FSHR: variants seen among roughly 807,000 people sequenced by gnomAD.
FSHR encodes the protein follicle stimulating hormone receptor, also known as follicle-stimulating hormone receptor.
FSHR carries 46 observed loss-of-function variants against 52.1 expected under a neutral mutation model. That is an observed-to-expected ratio of 0.88 (90% CI 0.70 to 1.13). The LOEUF is 1.13. FSHR is among the 50% of genes most tolerant of loss of function. The pLI, the probability that FSHR is intolerant of heterozygous loss-of-function variation, is 0.00. For missense variants in FSHR, 964 were observed against 834.6 expected (o/e 1.16, Z -1.91); for synonymous variants, 399 against 309.6 (o/e 1.29, Z -3.03).
intron 8 of FSHR, among the ~76,000 whole-genome samples, chr2:48,969,698 T>A (rs1230643005): frequency 2.0e-5 from 3 of 152,208 alleles, no homozygotes; most frequent in Non-Finnish European, 4.4e-5. Context: ...AGAAAGTTGT[T>A]CTTGTTTGGT....
At chr2:48,993,494 T>C (rs1432849583) in intron 4 of FSHR, among the ~76,000 whole-genome samples, 1 of 152,126 alleles carries the variant, frequency 6.6e-6, no homozygotes, top group Non-Finnish European at 1.5e-5. Context: ...TTTGCCTATC[T>C]CCACTGACAC....
At chr2:48,975,469 C>A (rs1382858398) in intron 8 of FSHR, among the ~76,000 whole-genome samples, 1 of 152,162 alleles carries the variant, frequency 6.6e-6, no homozygotes, top group Non-Finnish European at 1.5e-5. Flanking sequence ...TCCTTGTTGA[C>A]ACAGGCACGT....
At chr2:48,998,654 G>A (rs748744784) in intron 4 of FSHR, among the ~76,000 whole-genome samples, 7 of 151,950 alleles carry the variant, frequency 4.6e-5, no homozygotes, top group African/African-American at 7.2e-5. Flanking sequence ...ATGACTCAGC[G>A]ACTATAGGTA....
chr2:49,090,500 T>G (rs1024658694), intron 1 of FSHR, among the ~76,000 whole-genome samples: 3 of 152,252 alleles, frequency 2.0e-5, no homozygotes, highest in Non-Finnish European at 4.4e-5. Flanking sequence ...TACCACAGTT[T>G]GTTTACCTAT....
Position 48,999,437 on chromosome 2 carries a change from A to C in FSHR, c.375-8800T>G, listed in dbSNP as rs527553524. Reference sequence around the variant, plus strand: ...AAATTTGGGTGCTTATTGTTGTCTTACCTTAAAGACAGATTCTAATTCATT... The same window carrying C: ...AAATTTGGGTGCTTATTGTTGTCTTCCCTTAAAGACAGATTCTAATTCATT... On this transcript the variant is annotated intron_variant, in intron 4 of 9. Coordinates refer to ENST00000406846, the MANE Select transcript of FSHR (RefSeq NM_000145.4). 1.4e-4 allele frequency among the ~76,000 whole-genome samples: 21 copies of C among 152,208 alleles called. No homozygotes were observed. The East Asian group carries it at 3.9e-3, about 28-fold the overall frequency.
intron 2 of FSHR, among the ~76,000 whole-genome samples, chr2:49,038,256 A>T (rs1668342683): frequency 6.6e-6 from 1 of 152,162 alleles, no homozygotes; most frequent in South Asian, 2.1e-4. Context: ...ACCCAGAAGA[A>T]ACAAATAGAG....
intron 1 of FSHR, among the ~76,000 whole-genome samples, chr2:49,096,622 G>A (rs11899165): frequency 0.52 from 78,812 of 151,998 alleles, 20,910 homozygotes; most frequent in East Asian, 0.76. Context: ...AATATCTCCA[G>A]TAAAATATTA....
chr2:49,009,252 CA>C (rs60398199), intron 4 of FSHR, among the ~76,000 whole-genome samples: 89,780 of 144,096 alleles, frequency 0.62, 30,270 homozygotes, highest in East Asian at 0.76. Flanking sequence ...TATGGCTAGC[CA>C]GTTTTCCCAG....
At chr2:49,095,666 T>C (rs1054961556) in intron 1 of FSHR, among the ~76,000 whole-genome samples, 2 of 152,088 alleles carry the variant, frequency 1.3e-5, no homozygotes, top group African/African-American at 2.4e-5. Flanking sequence ...CAAAAGACAC[T>C]ACCAAGAAAG....
chr2:48,981,391 G>A (rs778430535), intron 8 of FSHR, among the ~76,000 whole-genome samples: 9 of 152,020 alleles, frequency 5.9e-5, no homozygotes, highest in Non-Finnish European at 1.0e-4. Flanking sequence ...AAATATTTAT[G>A]TGTGTGTGTG....
chr2:49,098,049 A>G (rs1436382264), intron 1 of FSHR, among the ~76,000 whole-genome samples: 3 of 152,264 alleles, frequency 2.0e-5, no homozygotes, highest in Admixed American at 6.5e-5. Flanking sequence ...TGACAACTAT[A>G]TGGCTAGTAG....
In FSHR at chr2:49,010,072, G is replaced by A. The variant is rs1305485137; in HGVS notation, c.374+7417C>T. 2.6e-5 allele frequency among the ~76,000 whole-genome samples: 2 copies of A among 76,992 alleles called. 1 individual carries two copies. The highest frequency in any genetic ancestry group is 3.6e-4 in the Admixed American group (2 of 5,582). The allele number at this position is 76,992 out of a possible 152,430, so 50.5% of individuals were successfully genotyped here. A position where few individuals can be genotyped will look rare whatever the true frequency, so the allele number is the denominator to read the frequency against. On this transcript the variant is annotated intron_variant, in intron 4 of 9. Coordinates refer to ENST00000406846, the MANE Select transcript of FSHR (RefSeq NM_000145.4). ...AGAACTTCCAACACTATGTTGAATAGGACCGGTGAGAGAGGGCATCCCTGT... is the reference window on the plus strand; with the variant it reads ...AGAACTTCCAACACTATGTTGAATAAGACCGGTGAGAGAGGGCATCCCTGT...
rs13425191 is a variant in FSHR, at chr2:49,038,481, C to G, written c.225-18321G>C. On this transcript the variant is annotated intron_variant, in intron 2 of 9. Transcript: ENST00000406846. Reference sequence around the variant, plus strand: ...CTAAAAAAACAAAAAAATAATTAGCCGGGCGTGGTGGGGAGCACCTGTAGT... The same window carrying G: ...CTAAAAAAACAAAAAAATAATTAGCGGGGCGTGGTGGGGAGCACCTGTAGT... Among the ~76,000 whole-genome samples the G allele has an allele frequency of 5.8e-3, 877 of 151,352 alleles. 12 individuals carry two copies. Among genetic ancestry groups the G allele is most frequent in the African/African-American group, 0.02 (830 of 41,302 alleles).
chr2:49,001,358 A>G (rs145627601), intron 4 of FSHR, among the ~76,000 whole-genome samples: 10 of 151,998 alleles, frequency 6.6e-5, no homozygotes, highest in Non-Finnish European at 1.0e-4. Flanking sequence ...GAACCCAGGC[A>G]CTCTGGCTCC....
At chr2:48,964,770 C>A (rs80199675) in intron 9 of FSHR, among the ~76,000 whole-genome samples, 36 of 152,276 alleles carry the variant, frequency 2.4e-4, no homozygotes, top group Non-Finnish European at 4.6e-4. Context: ...TGCCTTTAAA[C>A]CCAAATGTAC....
intron 1 of FSHR, among the ~76,000 whole-genome samples, chr2:49,113,497 G>A (rs1341080321): frequency 1.3e-5 from 2 of 152,196 alleles, no homozygotes; most frequent in African/African-American, 4.8e-5. Flanking sequence ...GTCAAGAAGA[G>A]AGCTAAGGTT....
chr2:49,007,345 G>A (rs1045863088), intron 4 of FSHR, among the ~76,000 whole-genome samples: 1 of 152,122 alleles, frequency 6.6e-6, no homozygotes, highest in Non-Finnish European at 1.5e-5. Flanking sequence ...CTACTGTGTG[G>A]ATTGTTGAGG....
intron 8 of FSHR, among the ~76,000 whole-genome samples, chr2:48,972,325 C>T (rs1216648475): frequency 6.6e-6 from 1 of 152,174 alleles, no homozygotes; most frequent in African/African-American, 2.4e-5. Flanking sequence ...ACAAGGTAAA[C>T]GTTCTGGTGG....
chr2:49,072,194 A>G (rs1422602131), intron 1 of FSHR, among the ~76,000 whole-genome samples: 3 of 152,158 alleles, frequency 2.0e-5, no homozygotes, highest in Non-Finnish European at 4.4e-5. Flanking sequence ...ACATAGACCC[A>G]TGTGGAAAGA....
Sources: gnomAD v4.1 joint callset for allele counts (sites outside exome capture counted in the v4.1 genomes callset) on GRCh38, gnomAD v4.1.1 for gene constraint, MANE v1.5 for transcripts, NCBI Gene and HGNC (gene_info 2026-07-23, HGNC 2026-07-21) for gene names.